Variants in ITGA2 observed in about 807,000 individuals in gnomAD.
ITGA2 encodes integrin alpha-2.
ITGA2 carries 101 observed loss-of-function variants against 146.3 expected under a neutral mutation model. The ratio of observed to expected loss-of-function variants is 0.69; its 90% CI spans 0.59 to 0.81. The LOEUF is 0.81. Ranked by LOEUF, ITGA2 falls within the 40% of genes least tolerant of loss-of-function variation. The probability of loss-of-function intolerance (pLI) is 0.00; values close to 1 mark genes in which losing one functional copy is unlikely to be tolerated. For synonymous variants in ITGA2, 477 were observed against 487.1 expected (o/e 0.98, Z 0.27); for missense variants, 1,281 against 1,402.7 (o/e 0.91, Z 1.39).
intron 1 of ITGA2, among the ~76,000 whole-genome samples, chr5:53,022,777 GAC>G (rs554246828): frequency 1.1e-3 from 167 of 152,254 alleles, no homozygotes; most frequent in African/African-American, 3.9e-3. Flanking sequence ...TGCTGCCAAG[GAC>G]GGTCTTGCAC....
chr5:53,041,275 A>G (rs1743786863), intron 2 of ITGA2, among the ~76,000 whole-genome samples: 1 of 152,122 alleles, frequency 6.6e-6, no homozygotes, highest in Non-Finnish European at 1.5e-5. Context: ...AAGAAAACCC[A>G]TATTCTCTAG....
chr5:53,067,063 A>T, intron 15 of ITGA2, 55 bp from the exon 16 acceptor site: 1 of 1,567,190 alleles, frequency 6.4e-7, no homozygotes. Context: ...TAAAGGATAT[A>T]ATACGTGTGC....
rs1740386094 is a variant in ITGA2 at position 53,090,902 on chromosome 5, T to C, written c.*303T>C. The C allele has an allele frequency of 3.5e-6, 2 of 570,424 alleles. No homozygotes were observed. The highest frequency in any genetic ancestry group is 6.2e-6 in the Non-Finnish European group (2 of 322,036). The allele number at this position is 570,424 out of a possible 1,614,324, so 35.3% of individuals were successfully genotyped here. On this transcript the variant is annotated 3_prime_UTR_variant, in exon 30 of 30. Coordinates refer to ENST00000296585, the MANE Select transcript of ITGA2 (RefSeq NM_002203.4). ...TCTAATTTGCATTGTGTCAGAAACATGAAATGCTTCCAAGCATGACAACTT... is the reference window on the plus strand; with the variant it reads ...TCTAATTTGCATTGTGTCAGAAACACGAAATGCTTCCAAGCATGACAACTT...
In ITGA2 at chr5:53,019,094, G is replaced by A. The variant is rs117670264; in HGVS notation, c.65-7654G>A. 4.4e-3 allele frequency among the ~76,000 whole-genome samples: 638 copies of A among 145,884 alleles called. 17 individuals are homozygous for A. Among genetic ancestry groups the A allele is most frequent in the East Asian group, 0.031 (150 of 4,912 alleles). On this transcript the variant is annotated intron_variant, in intron 1 of 29. Coordinates refer to ENST00000296585, the MANE Select transcript of ITGA2 (RefSeq NM_002203.4). ...TAAATAAATAAATAAATAAATAAAC[G>A]TCAAATAAATAAATAAAACATTTTG...
intron 10 of ITGA2, 97 bp downstream of exon 10, chr5:53,058,198 G>T: frequency 1.1e-6 from 1 of 885,098 alleles, no homozygotes; most frequent in East Asian, 2.5e-5. Flanking sequence ...AGCCATCTAG[G>T]GATCAGCCCT....
rs573413676 is a variant in ITGA2 at position 53,065,651 on chromosome 5, A to G, written c.1807-190A>G. On this transcript the variant is annotated intron_variant, in intron 14 of 29. Coordinates refer to ENST00000296585, the MANE Select transcript of ITGA2 (RefSeq NM_002203.4). ...GATTTATGCTGTCCCTTCGATGAAA[A>G]TGTGGCTGTAAGAGTGATGCAGAGA... 66 of 676,806 alleles carry G rather than the reference A, an allele frequency of 9.8e-5. 1 individual carries two copies. The African/African-American group carries it at 1.1e-3, about 11-fold the overall frequency. 41.9% of individuals were successfully genotyped at this position (676,806 alleles called of 1,614,324 possible). A position where few individuals can be genotyped will look rare whatever the true frequency, so the allele number is the denominator to read the frequency against.
At chr5:53,019,816 A>G (rs1579807414) in intron 1 of ITGA2, among the ~76,000 whole-genome samples, 3 of 152,192 alleles carry the variant, frequency 2.0e-5, no homozygotes, top group South Asian at 2.1e-4. Flanking sequence ...GTGAGCCACC[A>G]TGCCTGGCCA....
intron 17 of ITGA2, 49 bp downstream of exon 17, chr5:53,070,309 A>G (rs1446937891): frequency 3.1e-6 from 5 of 1,594,848 alleles, no homozygotes; most frequent in Non-Finnish European, 4.3e-6. Context: ...CCTAAAGACG[A>G]GAGAGTGGTA....
At chr5:53,008,739 A>C (rs1395379770) in intron 1 of ITGA2, among the ~76,000 whole-genome samples, 1 of 152,072 alleles carries the variant, frequency 6.6e-6, no homozygotes, top group Non-Finnish European at 1.5e-5. Context: ...GATTTCCGTG[A>C]ACTCCCAGGA....
In ITGA2 at chr5:53,089,715, T is replaced by C. The variant is rs148270722; in HGVS notation, c.3349-231T>C. On this transcript the variant is annotated intron_variant, in intron 28 of 29. Coordinates refer to ENST00000296585, the MANE Select transcript of ITGA2 (RefSeq NM_002203.4). ...GCATGATGTAGCCACAAGACACTGA[T>C]GTAGTTAAAGCGGAGAAACTAGAAA... Among the ~76,000 whole-genome samples, 351 of 152,350 alleles carry C rather than the reference T, an allele frequency of 2.3e-3. 3 individuals carry two copies. The highest frequency in any genetic ancestry group is 8.0e-3 in the African/African-American group (334 of 41,580).
intron 27 of ITGA2, among the ~76,000 whole-genome samples, chr5:53,086,070 A>G (rs934148599): frequency 4.0e-5 from 6 of 151,828 alleles, no homozygotes; most frequent in Admixed American, 3.9e-4. Flanking sequence ...ATGCCCGGCT[A>G]ATTTTTTATA....
At chr5:53,025,243 G>A (rs1048157542) in intron 1 of ITGA2, among the ~76,000 whole-genome samples, 1 of 152,158 alleles carries the variant, frequency 6.6e-6, no homozygotes, top group Non-Finnish European at 1.5e-5. Context: ...TATTTTGCAT[G>A]CCAATTCTGG....
rs118131872 is a variant in ITGA2 at position 53,024,403 on chromosome 5, T to G, written c.65-2345T>G. 1.3e-3 allele frequency among the ~76,000 whole-genome samples: 205 copies of G among 152,270 alleles called. 3 individuals are homozygous for G. The East Asian group carries it at 0.036, about 27-fold the overall frequency. ...TTTTTCCCTTGAGTTTTCTCTATAT[T>G]CCAAATCATTATTGAAGAACATATA... On this transcript the variant is annotated intron_variant, in intron 1 of 29. Transcript: ENST00000296585.
chr5:53,026,892 A>G, intron 2 of ITGA2, 24 bp downstream of exon 2: 1 of 1,592,356 alleles, frequency 6.3e-7, no homozygotes, highest in Non-Finnish European at 8.6e-7. Flanking sequence ...CTTCTTTATG[A>G]TTTCAGTAAA....
At chr5:53,015,156 C>A (rs932080271) in intron 1 of ITGA2, among the ~76,000 whole-genome samples, 1 of 152,060 alleles carries the variant, frequency 6.6e-6, no homozygotes, top group Admixed American at 6.6e-5. Flanking sequence ...TTGGTTTGTT[C>A]TTGTTGTTCT....
In ITGA2 at chr5:53,092,096, A is replaced by C. The variant is rs904588816; in HGVS notation, c.*1497A>C. 5 of 152,178 alleles carry C rather than the reference A, an allele frequency of 3.3e-5. No individual in the cohort carries two copies. The highest frequency in any genetic ancestry group is 6.6e-5 in the Admixed American group (1 of 15,264). The allele number at this position is 152,178 out of a possible 1,614,324, so 9.4% of individuals were successfully genotyped here. ...ATGCAGATGGACCACACTTTGAGAA[A>C]CACCACCCATTTCTACTTTTTGCAC... On this transcript the variant is annotated 3_prime_UTR_variant, in exon 30 of 30. Transcript: ENST00000296585.
intron 3 of ITGA2, among the ~76,000 whole-genome samples, chr5:53,042,532 C>G (rs1579840889): frequency 6.6e-6 from 1 of 152,066 alleles, no homozygotes; most frequent in Non-Finnish European, 1.5e-5. Flanking sequence ...CCGAGGCTAT[C>G]CATATTTCTT....
At chr5:53,069,541 A>G (rs2193969) in intron 16 of ITGA2, among the ~76,000 whole-genome samples, 16,939 of 151,950 alleles carry the variant, frequency 0.11, 1,143 homozygotes, top group African/African-American at 0.19. Flanking sequence ...TTACAACTGG[A>G]TGGAAGCAGA....
chr5:53,052,898 A>G (rs1018572621), intron 7 of ITGA2, among the ~76,000 whole-genome samples: 5 of 151,950 alleles, frequency 3.3e-5, no homozygotes, highest in African/African-American at 4.8e-5. Flanking sequence ...GGGTTATCTC[A>G]TTGCTATGTT....
Sources: allele counts gnomAD v4.1 joint callset (sites outside exome capture counted in the v4.1 genomes callset), GRCh38; gene constraint gnomAD v4.1.1; transcripts MANE v1.5; gene names NCBI Gene and HGNC (gene_info 2026-07-23, HGNC 2026-07-21).